The following CACNA2D1 variants were observed in gnomAD, a reference collection of about 807,000 sequenced individuals.
CACNA2D1 encodes voltage-dependent calcium channel subunit alpha-2/delta-1.
Under a neutral mutation model 171.5 loss-of-function variants are expected in CACNA2D1, and 53 were observed. The ratio of observed to expected loss-of-function variants is 0.31; its 90% confidence interval spans 0.25 to 0.39. The LOEUF is 0.39. Ranked by LOEUF, CACNA2D1 falls within the 10% of genes least tolerant of loss-of-function variation. The pLI is 1.00. For missense variants in CACNA2D1, 903 were observed against 1,299.8 expected (o/e 0.69, Z 4.69); for synonymous variants, 442 against 443.1 (o/e 1.00, Z 0.03).
intron 12 of CACNA2D1, among the ~76,000 whole-genome samples, chr7:82,021,524 G>A (rs963178462): frequency 7.2e-5 from 11 of 151,976 alleles, no homozygotes; most frequent in Non-Finnish European, 1.2e-4. Flanking sequence ...TATAGATTAG[G>A]AGCATATTTA....
At chr7:82,383,713 C>G (rs1365948306) in intron 1 of CACNA2D1, among the ~76,000 whole-genome samples, 1 of 152,174 alleles carries the variant, frequency 6.6e-6, no homozygotes, top group Non-Finnish European at 1.5e-5. Flanking sequence ...AGGCACCCAC[C>G]TCCACAGGAA....
At chr7:82,403,824 C>T (rs375033531) in intron 1 of CACNA2D1, among the ~76,000 whole-genome samples, 15 of 152,238 alleles carry the variant, frequency 9.9e-5, no homozygotes, top group South Asian at 8.3e-4. Flanking sequence ...TGTTCCACTA[C>T]GTAGCAGGAT....
Position 81,964,113 on chromosome 7 carries a change from A to G in CACNA2D1, c.2728-5T>C. On this transcript the variant is annotated splice_polypyrimidine_tract_variant and splice_region_variant and intron_variant, in intron 33 of 38. Transcript: ENST00000356860. ...TAATATGTCTGCTACTGATGGCTATAAAATAAAATAATAAGGTCATTTCAG... is the reference window on the plus strand; with the variant it reads ...TAATATGTCTGCTACTGATGGCTATGAAATAAAATAATAAGGTCATTTCAG... 1.2e-6 allele frequency: 2 copies of G among 1,612,136 alleles called. No homozygotes were observed. The highest frequency in any genetic ancestry group is 4.5e-5 in the East Asian group (2 of 44,814).
At chr7:82,390,457 T>C (rs1229612558) in intron 1 of CACNA2D1, among the ~76,000 whole-genome samples, 1 of 151,898 alleles carries the variant, frequency 6.6e-6, no homozygotes, top group Non-Finnish European at 1.5e-5. Flanking sequence ...AAACCTGGAG[T>C]TGAAATAGGG....
intron 3 of CACNA2D1, among the ~76,000 whole-genome samples, chr7:82,238,158 A>C (rs1803834784): frequency 6.6e-6 from 1 of 152,048 alleles, no homozygotes; most frequent in African/African-American, 2.4e-5. Context: ...AGAGGGGAAT[A>C]AGATTTAAGT....
At chr7:82,162,499 G>A (rs1487133102) in intron 4 of CACNA2D1, among the ~76,000 whole-genome samples, 1 of 151,980 alleles carries the variant, frequency 6.6e-6, no homozygotes, top group Non-Finnish European at 1.5e-5. Flanking sequence ...CAGCAGGGGA[G>A]AGCTGGTCAT....
chr7:82,259,619 A>G (rs759111244), intron 3 of CACNA2D1, among the ~76,000 whole-genome samples: 1 of 152,212 alleles, frequency 6.6e-6, no homozygotes, highest in Non-Finnish European at 1.5e-5. Flanking sequence ...ATAATTATAA[A>G]CATCCAGGAA....
At chr7:82,016,317 C>T (rs1055092647) in intron 12 of CACNA2D1, among the ~76,000 whole-genome samples, 1 of 152,038 alleles carries the variant, frequency 6.6e-6, no homozygotes, top group African/African-American at 2.4e-5. Flanking sequence ...CCAGATGCTC[C>T]AGGAAGCACT....
intron 3 of CACNA2D1, among the ~76,000 whole-genome samples, chr7:82,274,916 A>G (rs1447806117): frequency 6.6e-6 from 1 of 152,158 alleles, no homozygotes; most frequent in South Asian, 2.1e-4. Flanking sequence ...TGTTCCATGC[A>G]TCATAAAAAT....
chr7:82,132,050 A>T (rs1038858122), intron 5 of CACNA2D1, among the ~76,000 whole-genome samples: 1 of 152,202 alleles, frequency 6.6e-6, no homozygotes, highest in Non-Finnish European at 1.5e-5. Context: ...AAAGTACAAC[A>T]TGTATTTACA....
chr7:82,211,405 T>C (rs770054031), intron 3 of CACNA2D1, among the ~76,000 whole-genome samples: 7 of 152,180 alleles, frequency 4.6e-5, no homozygotes, highest in Non-Finnish European at 1.0e-4. Context: ...ATCCCCGCTT[T>C]GTGTCCATGT....
intron 1 of CACNA2D1, among the ~76,000 whole-genome samples, chr7:82,388,281 T>C (rs541096916): frequency 2.0e-5 from 3 of 152,266 alleles, no homozygotes; most frequent in East Asian, 1.9e-4. Flanking sequence ...AAGGAGATCA[T>C]GGTTTATTTT....
intron 3 of CACNA2D1, among the ~76,000 whole-genome samples, chr7:82,233,245 C>T (rs867839710): frequency 1.3e-5 from 2 of 152,266 alleles, no homozygotes; most frequent in African/African-American, 4.8e-5. Context: ...TTACTATTTT[C>T]ACAACATGAA....
At chr7:82,174,178 A>C (rs1348972537) in intron 3 of CACNA2D1, among the ~76,000 whole-genome samples, 2 of 151,952 alleles carry the variant, frequency 1.3e-5, no homozygotes, top group African/African-American at 4.8e-5. Context: ...AGAAAAAAAA[A>C]AATAAAAAAC....
chr7:82,162,013 G>A (rs1391597977), intron 4 of CACNA2D1, among the ~76,000 whole-genome samples: 1 of 152,036 alleles, frequency 6.6e-6, no homozygotes, highest in Non-Finnish European at 1.5e-5. Context: ...AACTAAAGAA[G>A]TGTTTGAAGA....
rs1811455671 is a variant in CACNA2D1, at chr7:82,093,316, A to T, written c.527-8416T>A. ...CTTGTCATTTAGTAACTGCACAATA[A>T]GTGTTACCTGCTCTCATCATTAATC... On this transcript the variant is annotated intron_variant, in intron 6 of 38. Transcript: ENST00000356860. Among the ~76,000 whole-genome samples the T allele has an allele frequency of 2.0e-5, 3 of 152,306 alleles. No homozygotes were observed. The South Asian group carries it at 6.2e-4, about 32-fold the overall frequency.
intron 10 of CACNA2D1, among the ~76,000 whole-genome samples, chr7:82,044,950 A>T (rs1473450539): frequency 6.6e-6 from 1 of 152,158 alleles, no homozygotes; most frequent in African/African-American, 2.4e-5. Flanking sequence ...GAAAACTGAT[A>T]AGAAATAAGA....
intron 12 of CACNA2D1, chr7:82,023,858 C>T (rs1367005168): frequency 1.3e-5 from 2 of 151,768 alleles, no homozygotes; most frequent in Admixed American, 6.6e-5. Flanking sequence ...CACTATTTCA[C>T]TCTTCGAATC....
chr7:81,967,573 A>C (rs1346832605), intron 30 of CACNA2D1, 23 bp downstream of exon 30: 1 of 1,301,828 alleles, frequency 7.7e-7, no homozygotes, highest in Non-Finnish European at 1.1e-6. Flanking sequence ...ACATAGCATA[A>C]GAATTTTTTA....
Sources: gnomAD v4.1 joint callset for allele counts (sites outside exome capture counted in the v4.1 genomes callset) on GRCh38, gnomAD v4.1.1 for gene constraint, MANE v1.5 for transcripts, NCBI Gene and HGNC (gene_info 2026-07-23, HGNC 2026-07-21) for gene names.